AKNA: variants seen among roughly 807,000 people sequenced by gnomAD.
The protein encoded by AKNA is AT-hook transcription factor.
In AKNA, 67 loss-of-function variants were observed where a neutral mutation model predicts 138.8. That is an observed-to-expected ratio of 0.48 (90% confidence interval 0.40 to 0.59). AKNA has a LOEUF of 0.59. Ranked by LOEUF, AKNA falls within the 20% of genes least tolerant of loss-of-function variation. AKNA has a pLI of 0.00. For synonymous variants in AKNA, 737 were observed against 754.4 expected, an observed-to-expected ratio of 0.98 and a Z score of 0.38; for missense variants, 1,813 against 1,880.4, an observed-to-expected ratio of 0.96 and a Z score of 0.66.
At chr9:114,362,293 C>G in intron 8 of AKNA, 113 bp downstream of exon 8, 118 of 1,373,708 alleles carry the variant, frequency 8.6e-5, no homozygotes, top group Non-Finnish European at 1.0e-4. Context: ...GATAAGATTT[C>G]TCTCTATTCC....
chr9:114,330,804 C>G (rs150123372), downstream of AKNA: 4 of 1,613,786 alleles, frequency 2.5e-6, no homozygotes, highest in African/African-American at 4.0e-5. Context: ...AGAACCAGTG[C>G]TTCTATAACT....
chr9:114,371,126 C>T (rs748340582), intron 4 of AKNA, among the ~76,000 whole-genome samples: 1 of 152,198 alleles, frequency 6.6e-6, no homozygotes, highest in Non-Finnish European at 1.5e-5. Flanking sequence ...CCAGTCCTGG[C>T]TCCCTGCCCC....
Position 114,374,082 on chromosome 9 carries a change from C to T in AKNA, c.1416+11G>A, listed in dbSNP as rs545891598. 2.6e-6 allele frequency: 4 copies of T among 1,553,470 alleles called. No individual in the cohort carries two copies. Among genetic ancestry groups the T allele is most frequent in the Non-Finnish European group, 1.7e-6 (2 of 1,147,916 alleles). Reference sequence around the variant, plus strand: ...TTGGGCCCATGCCTCCACCCCATCCCGGCCTGGTACCTTGGCCCCGAGGCG... The same window carrying T: ...TTGGGCCCATGCCTCCACCCCATCCTGGCCTGGTACCTTGGCCCCGAGGCG... On this transcript the variant is annotated intron_variant, in intron 4 of 21. Transcript: ENST00000374088.
intron 21 of AKNA, 90 bp downstream of exon 21, chr9:114,341,443 T>C (rs1173182603): frequency 2.0e-6 from 3 of 1,491,072 alleles, no homozygotes; most frequent in Admixed American, 3.8e-5. Context: ...AGGAGTATAC[T>C]GCATCTCAGC....
Position 114,345,872 on chromosome 9 carries a change from G to C in AKNA, c.3652C>G (p.Gln1218Glu). The C allele has an allele frequency of 1.2e-6, 2 of 1,613,842 alleles. No homozygotes were observed. The highest frequency in any genetic ancestry group is 1.7e-6 in the Non-Finnish European group (2 of 1,179,834). The stretch of plus-strand genomic sequence containing the variant: ...CTCCCTCCTGACCTACCTGTGTATT[G>C]GCCCCGGAAGGTGACCCTGTCTGGC... ...GWPDRVTFRGQYTGHEYHVLS... is the reference protein window; with the variant it reads ...GWPDRVTFRGEYTGHEYHVLS... The change falls in exon 18 of 22, where the codon CAA becomes GAA. Residue 1218 changes from glutamine (Q) to glutamate (E), a missense_variant. Coordinates refer to ENST00000374088, the MANE Select transcript of AKNA (RefSeq NM_001317950.2).
chr9:114,370,226 C>G (rs1832672563), intron 4 of AKNA, among the ~76,000 whole-genome samples: 1 of 152,226 alleles, frequency 6.6e-6, no homozygotes, highest in African/African-American at 2.4e-5. Flanking sequence ...CCAGCCTCCC[C>G]AGATGAGAAC....
downstream of AKNA, chr9:114,331,887 G>C (rs1829859652): frequency 6.8e-6 from 11 of 1,613,888 alleles, no homozygotes; most frequent in Non-Finnish European, 8.5e-6. Flanking sequence ...TCGACTGCTT[G>C]TGCATTCCCA....
rs1211760909 is a variant in AKNA, at chr9:114,346,605, ACCACTGAG to A, written c.3514+56_3514+63del. 3.0e-6 allele frequency: 4 copies of A among 1,320,388 alleles called. No individual in the cohort carries two copies. The African/African-American group carries it at 4.5e-5, about 15-fold the overall frequency. 81.8% of individuals were successfully genotyped at this position (1,320,388 alleles called of 1,614,324 possible). On this transcript the variant is annotated intron_variant, in intron 17 of 21. Coordinates refer to ENST00000374088, the MANE Select transcript of AKNA (RefSeq NM_001317950.2). ...TTGAATACTGTTGCTGTGGTCCCTGACCACTGAGCCAACATGCTCAGACTGTGGCCTCT... is the reference window on the plus strand; with the variant it reads ...TTGAATACTGTTGCTGTGGTCCCTGACCAACATGCTCAGACTGTGGCCTCT...
intron 6 of AKNA, among the ~76,000 whole-genome samples, chr9:114,366,241 C>T (rs928432057): frequency 4.7e-5 from 7 of 149,122 alleles, no homozygotes; most frequent in African/African-American, 1.7e-4. Flanking sequence ...GACTGCACCA[C>T]TGCACTCCAG....
At chr9:114,362,056 A>C in intron 8 of AKNA, 145 bp from the exon 9 acceptor site, 1 of 888,314 alleles carries the variant, frequency 1.1e-6, no homozygotes, top group Non-Finnish European at 1.7e-6. Flanking sequence ...GTGAGAACTC[A>C]AAATAAGCAA....
At chr9:114,346,524 T>C in intron 17 of AKNA, 145 bp downstream of exon 17, 1 of 608,246 alleles carries the variant, frequency 1.6e-6, no homozygotes, top group Non-Finnish European at 2.8e-6. Context: ...TGCTCTGTGC[T>C]TCACAGCACT....
rs745478606 is a variant in AKNA, at chr9:114,351,026, G to C, written c.3059-5C>G. Reference sequence around the variant, plus strand: ...CAAACTCTGAGCCAGGAACCGCTAGGGAGGCAGAGAGAGAACCCAAAGTGA... The same window carrying C: ...CAAACTCTGAGCCAGGAACCGCTAGCGAGGCAGAGAGAGAACCCAAAGTGA... On this transcript the variant is annotated splice_polypyrimidine_tract_variant and splice_region_variant and intron_variant, in intron 14 of 21. Coordinates refer to ENST00000374088, the MANE Select transcript of AKNA (RefSeq NM_001317950.2). The C allele has an allele frequency of 3.1e-6, 5 of 1,613,042 alleles. No homozygotes were observed. In the East Asian group the frequency reaches 1.1e-4, roughly 36 times the overall value.
At chr9:114,362,801 A>C (rs1053359094) in intron 7 of AKNA, among the ~76,000 whole-genome samples, 1 of 152,250 alleles carries the variant, frequency 6.6e-6, no homozygotes, top group South Asian at 2.1e-4. Flanking sequence ...CCCTTCCTGC[A>C]TAGACTTACA....
chr9:114,392,922 G>C (rs139895354), upstream of AKNA, among the ~76,000 whole-genome samples: 52 of 152,254 alleles, frequency 3.4e-4, no homozygotes, highest in African/African-American at 1.1e-3. Context: ...CTGAGATAAG[G>C]GTTATGAGGA....
chr9:114,340,485 C>T (rs1215108121), intron 21 of AKNA, among the ~76,000 whole-genome samples: 2 of 152,234 alleles, frequency 1.3e-5, no homozygotes, highest in African/African-American at 4.8e-5. Flanking sequence ...GGCGAAGCTA[C>T]TGTTTGCTCA....
At chr9:114,351,866 A>T (rs1027615584) in intron 14 of AKNA, among the ~76,000 whole-genome samples, 3 of 152,046 alleles carry the variant, frequency 2.0e-5, no homozygotes, top group African/African-American at 7.2e-5. Context: ...AATAAAAGCA[A>T]TGAAACCCTT....
At chr9:114,354,657 G>A (rs1454202579) in intron 14 of AKNA, among the ~76,000 whole-genome samples, 5 of 149,284 alleles carry the variant, frequency 3.3e-5, no homozygotes, top group African/African-American at 1.2e-4. Flanking sequence ...AGCTTGCAGT[G>A]AGCCGAGATT....
chr9:114,347,286 C>G (rs1830750405), intron 16 of AKNA, among the ~76,000 whole-genome samples: 1 of 152,138 alleles, frequency 6.6e-6, no homozygotes, highest in Non-Finnish European at 1.5e-5. Context: ...GTGGCACAAT[C>G]TCAGCTCACT....
rs2132048311 is a variant in AKNA at position 114,376,401 on chromosome 9, A to C, written c.1341+65T>G. The C allele has an allele frequency of 3.9e-6, 6 of 1,557,986 alleles. No homozygotes were observed. The East Asian group carries it at 1.1e-4, about 30-fold the overall frequency. ...CTCTACTCCAGGCCTCCCCACCCCAATTAGCCTCCACCCCAAGCCAACAGG... is the reference window on the plus strand; with the variant it reads ...CTCTACTCCAGGCCTCCCCACCCCACTTAGCCTCCACCCCAAGCCAACAGG... On this transcript the variant is annotated intron_variant, in intron 3 of 21. Coordinates refer to ENST00000374088, the MANE Select transcript of AKNA (RefSeq NM_001317950.2).
Sources: allele counts gnomAD v4.1 joint callset (sites outside exome capture counted in the v4.1 genomes callset), GRCh38; gene constraint gnomAD v4.1.1; transcripts MANE v1.5; gene names NCBI Gene and HGNC (gene_info 2026-07-23, HGNC 2026-07-21).